ACOXL: variants seen among roughly 807,000 people sequenced by gnomAD.
ACOXL encodes the protein acyl-coenzyme A oxidase-like protein.
Under a neutral mutation model 71.9 loss-of-function variants are expected in ACOXL, and 70 were observed. That is an observed-to-expected ratio of 0.97 (90% confidence interval 0.80 to 1.19). ACOXL has a LOEUF of 1.19. ACOXL is among the 50% of genes most tolerant of loss of function. ACOXL has a pLI of 0.00. For synonymous variants in ACOXL, 253 were observed against 281.6 expected, an observed-to-expected ratio of 0.90 and a Z score of 1.02; for missense variants, 703 against 736.3, an observed-to-expected ratio of 0.95 and a Z score of 0.52.
intron 12 of ACOXL, among the ~76,000 whole-genome samples, chr2:110,977,980 T>C (rs2062533009): frequency 6.6e-6 from 1 of 152,182 alleles, no homozygotes; most frequent in African/African-American, 2.4e-5. Flanking sequence ...ACCTTCTTGA[T>C]GACCAGGAAC....
chr2:110,900,959 G>A (rs528620280), intron 10 of ACOXL, among the ~76,000 whole-genome samples: 1 of 152,194 alleles, frequency 6.6e-6, no homozygotes, highest in Non-Finnish European at 1.5e-5. Context: ...TATCTGAGGG[G>A]CTTCTGTGGT....
At chr2:111,103,915 T>C (rs533709635) in intron 17 of ACOXL, among the ~76,000 whole-genome samples, 1 of 152,298 alleles carries the variant, frequency 6.6e-6, no homozygotes, top group East Asian at 1.9e-4. Context: ...TACAATGACA[T>C]TGATACAGTG....
chr2:111,066,294 A>G (rs975221966), intron 16 of ACOXL, among the ~76,000 whole-genome samples: 2 of 152,348 alleles, frequency 1.3e-5, no homozygotes, highest in East Asian at 3.9e-4. Flanking sequence ...GTTACATACC[A>G]TGATTCCGTT....
At chr2:110,956,442 G>A (rs115820049) in intron 12 of ACOXL, among the ~76,000 whole-genome samples, 29 of 152,198 alleles carry the variant, frequency 1.9e-4, no homozygotes, top group African/African-American at 6.7e-4. Flanking sequence ...CAAAGCATGC[G>A]GCAGGATGGG....
rs544772674 is a variant in ACOXL at position 111,035,147 on chromosome 2, T to G, written c.1369+3433T>G. ...TCCCAAAGTGCTGGGATTACAGGCG[T>G]GAGCCACCGTCCCCGGCCTAAAGCA... On this transcript the variant is annotated intron_variant, in intron 15 of 17. Coordinates refer to ENST00000439055, the MANE Select transcript of ACOXL (RefSeq NM_001142807.4). Among the ~76,000 whole-genome samples, 11 of 152,270 alleles carry G rather than the reference T, an allele frequency of 7.2e-5. No homozygotes were observed. The East Asian group carries it at 7.7e-4, about 11-fold the overall frequency.
intron 12 of ACOXL, among the ~76,000 whole-genome samples, chr2:110,936,812 C>T (rs1027766732): frequency 6.6e-6 from 1 of 151,588 alleles, no homozygotes; most frequent in Non-Finnish European, 1.5e-5. Context: ...AGGATGTGTT[C>T]ACCAGCCTGG....
chr2:110,900,553 G>C (rs2059194198), intron 10 of ACOXL, among the ~76,000 whole-genome samples: 1 of 152,188 alleles, frequency 6.6e-6, no homozygotes, highest in Non-Finnish European at 1.5e-5. Context: ...GTTAGAGTCT[G>C]TGTGCAAACC....
intron 17 of ACOXL, among the ~76,000 whole-genome samples, chr2:111,103,574 G>A (rs1454531257): frequency 6.6e-6 from 1 of 152,134 alleles, no homozygotes; most frequent in Non-Finnish European, 1.5e-5. Context: ...ACTTTTTCGG[G>A]ACTTTGGGGA....
At chr2:110,916,286 T>G (rs2059858498) in intron 11 of ACOXL, among the ~76,000 whole-genome samples, 1 of 152,044 alleles carries the variant, frequency 6.6e-6, no homozygotes, top group Non-Finnish European at 1.5e-5. Flanking sequence ...GTTTATCAGC[T>G]TAGTTAATCT....
intron 17 of ACOXL, among the ~76,000 whole-genome samples, chr2:111,097,269 A>C (rs1290482280): frequency 6.6e-6 from 1 of 152,226 alleles, no homozygotes; most frequent in Non-Finnish European, 1.5e-5. Context: ...AGAAATAGAA[A>C]GTTGCTTCAT....
chr2:110,873,724 G>A (rs1037562255), intron 10 of ACOXL, among the ~76,000 whole-genome samples: 2 of 152,194 alleles, frequency 1.3e-5, no homozygotes, highest in African/African-American at 2.4e-5. Context: ...AAGGGCCCCC[G>A]TTGGGAGGGG....
intron 9 of ACOXL, among the ~76,000 whole-genome samples, chr2:110,839,066 C>T (rs1690815692): frequency 6.6e-6 from 1 of 152,056 alleles, no homozygotes; most frequent in South Asian, 2.1e-4. Flanking sequence ...TGAAATTCAC[C>T]TTTGTGAAAG....
chr2:110,744,184 C>T (rs1205725692), intron 1 of ACOXL, among the ~76,000 whole-genome samples: 3 of 151,192 alleles, frequency 2.0e-5, no homozygotes, highest in Non-Finnish European at 4.4e-5. Flanking sequence ...GAGCACTATT[C>T]AGCGAAGTGC....
intron 14 of ACOXL, among the ~76,000 whole-genome samples, chr2:111,021,134 C>T (rs2064738489): frequency 6.6e-6 from 1 of 152,118 alleles, no homozygotes; most frequent in African/African-American, 2.4e-5. Context: ...GATTCTGGTG[C>T]AGAGGAGGCT....
intron 9 of ACOXL, among the ~76,000 whole-genome samples, chr2:110,828,379 G>C (rs1471926181): frequency 6.6e-6 from 1 of 152,240 alleles, no homozygotes; most frequent in Admixed American, 6.5e-5. Flanking sequence ...TATTTCCTTA[G>C]GGACAACCTA....
chr2:110,854,794 C>T (rs1359332533), intron 10 of ACOXL, among the ~76,000 whole-genome samples: 1 of 152,174 alleles, frequency 6.6e-6, no homozygotes, highest in African/African-American at 2.4e-5. Flanking sequence ...CCCTTGAAAA[C>T]AAGAAGGAGA....
At chr2:111,043,614 A>G (rs889107886) in intron 15 of ACOXL, among the ~76,000 whole-genome samples, 4 of 152,156 alleles carry the variant, frequency 2.6e-5, no homozygotes, top group African/African-American at 4.8e-5. Flanking sequence ...AGCCTCAGAT[A>G]TGGCTGCTGG....
intron 10 of ACOXL, among the ~76,000 whole-genome samples, chr2:110,854,861 A>G (rs1693049617): frequency 6.6e-6 from 1 of 152,206 alleles, no homozygotes; most frequent in Admixed American, 6.5e-5. Flanking sequence ...TGCTCTGCTC[A>G]GCCTAGCACC....
At chr2:110,804,026 G>C (rs889813438) in intron 8 of ACOXL, among the ~76,000 whole-genome samples, 4 of 142,170 alleles carry the variant, frequency 2.8e-5, no homozygotes, top group Non-Finnish European at 6.0e-5. Context: ...TTGCTGTGTC[G>C]CCCAGGCTGA....
Sources: gnomAD v4.1 joint callset for allele counts (sites outside exome capture counted in the v4.1 genomes callset) on GRCh38, gnomAD v4.1.1 for gene constraint, MANE v1.5 for transcripts, NCBI Gene and HGNC (gene_info 2026-07-23, HGNC 2026-07-21) for gene names.